SUSD4: variants seen among roughly 807,000 people sequenced by gnomAD.
The protein encoded by SUSD4 is sushi domain containing 4.
A neutral mutation model predicts 50.5 loss-of-function variants in SUSD4; 41 were observed. That is an observed-to-expected ratio of 0.81 (90% CI 0.63 to 1.05). SUSD4 has a LOEUF of 1.05. Among genes scored for constraint, SUSD4 ranks in the 50% least tolerant of loss-of-function variants. SUSD4 has a pLI of 0.00. For missense variants in SUSD4, 580 were observed against 634.7 expected, an observed-to-expected ratio of 0.91 and a Z score of 0.93; for synonymous variants, 257 against 257.3, an observed-to-expected ratio of 1.00 and a Z score of 0.01.
chr1:223,359,141 G>T, intron 2 of SUSD4: 1 of 471,098 alleles, frequency 2.1e-6, no homozygotes, highest in South Asian at 1.5e-5. Context: ...GAAAAAGGAA[G>T]ACAAGCCAAG....
chr1:223,304,116 T>G (rs1665365564), intron 2 of SUSD4, among the ~76,000 whole-genome samples: 1 of 152,218 alleles, frequency 6.6e-6, no homozygotes, highest in Non-Finnish European at 1.5e-5. Flanking sequence ...CTTATCCATA[T>G]GAACAGGCGC....
chr1:223,282,172 C>T (rs28762473), intron 3 of SUSD4, among the ~76,000 whole-genome samples: 21 of 152,286 alleles, frequency 1.4e-4, no homozygotes, highest in African/African-American at 4.8e-4. Context: ...CCTTTGAAAA[C>T]TGGCACAAGA....
intron 5 of SUSD4, among the ~76,000 whole-genome samples, chr1:223,235,923 G>A (rs1183346948): frequency 6.6e-6 from 1 of 152,064 alleles, no homozygotes; most frequent in Non-Finnish European, 1.5e-5. Flanking sequence ...ATTTAGTTTT[G>A]TAAGAAGCCA....
chr1:223,348,804 ATT>A (rs1343662952), intron 2 of SUSD4, among the ~76,000 whole-genome samples: 1 of 152,020 alleles, frequency 6.6e-6, no homozygotes, highest in South Asian at 2.1e-4. Flanking sequence ...TAAGCTTGTG[ATT>A]TTTTTTAAAA....
intron 5 of SUSD4, among the ~76,000 whole-genome samples, chr1:223,232,947 G>T (rs1659990007): frequency 6.6e-6 from 1 of 152,210 alleles, no homozygotes; most frequent in African/African-American, 2.4e-5. Context: ...AAAGGTCAGG[G>T]ACACAGTAGG....
chr1:223,255,688 A>T (rs1251616941), intron 5 of SUSD4, among the ~76,000 whole-genome samples: 1 of 152,176 alleles, frequency 6.6e-6, no homozygotes, highest in Non-Finnish European at 1.5e-5. Flanking sequence ...GCTTAGGGCA[A>T]GCAGATTAAT....
chr1:223,323,133 G>A (rs934290856), intron 2 of SUSD4, among the ~76,000 whole-genome samples: 4 of 151,980 alleles, frequency 2.6e-5, no homozygotes, highest in Non-Finnish European at 5.9e-5. Flanking sequence ...TCTCTTAGGG[G>A]CTGATCTCAC....
intron 3 of SUSD4, among the ~76,000 whole-genome samples, chr1:223,279,333 A>G (rs1337245230): frequency 6.6e-6 from 1 of 152,248 alleles, no homozygotes; most frequent in Non-Finnish European, 1.5e-5. Flanking sequence ...AAAAAAGATT[A>G]GATGAATGGC....
chr1:223,250,683 A>C (rs4414035), intron 5 of SUSD4, among the ~76,000 whole-genome samples: 1 of 152,162 alleles, frequency 6.6e-6, no homozygotes, highest in Non-Finnish European at 1.5e-5. Flanking sequence ...ATTATGCACA[A>C]TGGGGTTAGA....
chr1:223,341,783 A>G (rs1204826519), intron 2 of SUSD4, among the ~76,000 whole-genome samples: 3 of 152,108 alleles, frequency 2.0e-5, no homozygotes, highest in Admixed American at 2.0e-4. Context: ...AGCCTGAAGA[A>G]GAGAATGGAA....
At chr1:223,324,985 A>G (rs1173830162) in intron 2 of SUSD4, among the ~76,000 whole-genome samples, 1 of 151,760 alleles carries the variant, frequency 6.6e-6, no homozygotes, top group Non-Finnish European at 1.5e-5. Context: ...TCTGATACCC[A>G]CTCCACAATG....
chr1:223,245,161 A>C (rs910683285), intron 5 of SUSD4, among the ~76,000 whole-genome samples: 6 of 151,946 alleles, frequency 3.9e-5, no homozygotes, highest in African/African-American at 1.5e-4. Context: ...TCAATATCTA[A>C]ATTGCATTTA....
chr1:223,328,073 T>C (rs1189969666), intron 2 of SUSD4, among the ~76,000 whole-genome samples: 1 of 151,870 alleles, frequency 6.6e-6, no homozygotes, highest in African/African-American at 2.4e-5. Context: ...ATGTCATCTG[T>C]CATTCCTAAT....
intron 2 of SUSD4, among the ~76,000 whole-genome samples, chr1:223,323,830 C>A (rs941926699): frequency 1.7e-4 from 26 of 151,946 alleles, no homozygotes; most frequent in Non-Finnish European, 2.8e-4. Flanking sequence ...ACTCCAGATG[C>A]CATTTAAGAA....
In SUSD4 at chr1:223,362,623, G is replaced by C. The variant is rs1669048448; in HGVS notation, c.148+655C>G. 3.3e-5 allele frequency among the ~76,000 whole-genome samples: 5 copies of C among 152,158 alleles called. No homozygotes were observed. In the South Asian group the frequency reaches 1.0e-3, roughly 32 times the overall value. On this transcript the variant is annotated intron_variant, in intron 2 of 8. Coordinates refer to ENST00000366878, the MANE Select transcript of SUSD4 (RefSeq NM_017982.4). ...TTCAGCTAACTTCTACTTCATAGAAGAGCAACTGACTTTATTCCCTGAAAT... is the reference window on the plus strand; with the variant it reads ...TTCAGCTAACTTCTACTTCATAGAACAGCAACTGACTTTATTCCCTGAAAT...
chr1:223,264,296 A>G (rs1021131650), intron 5 of SUSD4: 11 of 1,030,990 alleles, frequency 1.1e-5, no homozygotes, highest in Non-Finnish European at 1.3e-5. Context: ...GATTAATGAC[A>G]TGATACAATC....
In SUSD4 at chr1:223,222,050, T is replaced by G; in HGVS notation, c.*142A>C. The stretch of plus-strand genomic sequence containing the variant: ...AGTTTGTCAGCCTCACTGTGGAGCC[T>G]GAGATGCATAATGTGAACTGTGGTC... On this transcript the variant is annotated 3_prime_UTR_variant, in exon 9 of 9. Coordinates refer to ENST00000366878, the MANE Select transcript of SUSD4 (RefSeq NM_017982.4). The G allele has an allele frequency of 1.3e-6, 1 of 758,448 alleles. No individual in the cohort carries two copies. The highest frequency in any genetic ancestry group is 2.2e-6 in the Non-Finnish European group (1 of 464,088). The allele number at this position is 758,448 out of a possible 1,614,324, so 47.0% of individuals were successfully genotyped here. A position where few individuals can be genotyped will look rare whatever the true frequency, so the allele number is the denominator to read the frequency against.
intron 2 of SUSD4, among the ~76,000 whole-genome samples, chr1:223,358,240 G>A (rs1237973289): frequency 6.6e-6 from 1 of 151,564 alleles, no homozygotes; most frequent in Non-Finnish European, 1.5e-5. Context: ...AATAGACACT[G>A]GAAAAAGATG....
At chr1:223,310,118 C>T (rs1665784590) in intron 2 of SUSD4, among the ~76,000 whole-genome samples, 1 of 152,148 alleles carries the variant, frequency 6.6e-6, no homozygotes, top group African/African-American at 2.4e-5. Context: ...CCTGGAGGGC[C>T]ATTTCTCTCC....
Sources: gnomAD v4.1 joint callset for allele counts (sites outside exome capture counted in the v4.1 genomes callset) on GRCh38, gnomAD v4.1.1 for gene constraint, MANE v1.5 for transcripts, NCBI Gene and HGNC (gene_info 2026-07-23, HGNC 2026-07-21) for gene names.